The following WFDC1 variants were observed in gnomAD, a reference collection of about 807,000 sequenced individuals.
WFDC1 encodes WAP four-disulfide core domain protein 1.
Under a neutral mutation model 32.9 loss-of-function variants are expected in WFDC1, and 39 were observed. The ratio of observed to expected loss-of-function variants is 1.19; its 90% CI spans 0.92 to 1.55. WFDC1 has a LOEUF of 1.55. Ranked by LOEUF, WFDC1 falls within the 40% of genes most tolerant of loss-of-function variation. WFDC1 has a pLI of 0.00. For synonymous variants in WFDC1, 184 were observed against 137.4 expected (o/e 1.34, Z -2.37); for missense variants, 386 against 309.5 (o/e 1.25, Z -1.85).
At chr16:84,314,943 G>A (rs762631009) in intron 2 of WFDC1, among the ~76,000 whole-genome samples, 4 of 152,196 alleles carry the variant, frequency 2.6e-5, no homozygotes, top group East Asian at 1.9e-4. Context: ...ACATCATCTC[G>A]TTTCACGCTC....
chr16:84,305,136 A>G (rs1907175078), intron 1 of WFDC1, among the ~76,000 whole-genome samples: 1 of 152,216 alleles, frequency 6.6e-6, no homozygotes. Flanking sequence ...CCAGAGGGTG[A>G]TACTGAAGAT....
intron 2 of WFDC1, among the ~76,000 whole-genome samples, chr16:84,314,177 C>T (rs549713875): frequency 2.6e-5 from 4 of 152,236 alleles, no homozygotes; most frequent in African/African-American, 7.2e-5. Flanking sequence ...GCCAACCTCT[C>T]GGGGAGAAAC....
intron 4 of WFDC1, among the ~76,000 whole-genome samples, chr16:84,321,391 C>A (rs1042789071): frequency 6.6e-6 from 1 of 152,186 alleles, no homozygotes; most frequent in African/African-American, 2.4e-5. Flanking sequence ...ACCGCAAGGG[C>A]CTGCCAGCCA....
At chr16:84,318,424 A>T in intron 3 of WFDC1, 69 bp downstream of exon 3, 1 of 1,508,908 alleles carries the variant, frequency 6.6e-7, no homozygotes, top group Non-Finnish European at 9.2e-7. Context: ...GCTTCCAGAA[A>T]GCTGGCAGCA....
intron 1 of WFDC1, among the ~76,000 whole-genome samples, chr16:84,312,142 G>A (rs1184537488): frequency 1.3e-5 from 2 of 152,158 alleles, no homozygotes; most frequent in Non-Finnish European, 2.9e-5. Context: ...TCCAGCCTGG[G>A]CAACAAGAGC....
intron 6 of WFDC1, chr16:84,327,532 A>C (rs979604381): frequency 6.6e-6 from 1 of 152,286 alleles, no homozygotes; most frequent in African/African-American, 2.4e-5. Context: ...GCCTATGGTA[A>C]AATTGTTTTT....
chr16:84,303,594 C>T (rs1475657716), intron 1 of WFDC1, among the ~76,000 whole-genome samples: 2 of 152,082 alleles, frequency 1.3e-5, no homozygotes, highest in Non-Finnish European at 2.9e-5. Flanking sequence ...TAGATTGTTT[C>T]ATGAAGCAGT....
intron 2 of WFDC1, chr16:84,316,045 A>T (rs2113302): frequency 0.14 from 21,950 of 152,280 alleles, 2,068 homozygotes; most frequent in East Asian, 0.43. Flanking sequence ...GAAGCCTTTG[A>T]TCAAGGCAAA....
intron 1 of WFDC1, among the ~76,000 whole-genome samples, chr16:84,303,729 A>G (rs75381857): frequency 0.029 from 4,422 of 152,300 alleles, 212 homozygotes; most frequent in African/African-American, 0.098. Context: ...AGTGGTGTTT[A>G]GTATACTCAG....
intron 4 of WFDC1, among the ~76,000 whole-genome samples, chr16:84,320,065 G>T (rs1265029902): frequency 2.0e-5 from 3 of 152,202 alleles, no homozygotes; most frequent in African/African-American, 7.2e-5. Context: ...TGGTGCAGAA[G>T]CAACATGCAT....
Position 84,294,889 on chromosome 16 carries a change from G to T in WFDC1, c.-83G>T. 1.3e-6 allele frequency: 2 copies of T among 1,534,870 alleles called. No homozygotes were observed. The highest frequency in any genetic ancestry group is 1.3e-5 in the South Asian group (1 of 78,912). ...TAAGAAAGTCCAGCAGACTGTGCAC[G>T]CTCCTGTCCCCACTCACAGGCCCAC... On this transcript the variant is annotated 5_prime_UTR_variant, in exon 1 of 7. Coordinates refer to ENST00000219454, the MANE Select transcript of WFDC1 (RefSeq NM_021197.4).
At chr16:84,307,559 C>T (rs1483042056) in intron 1 of WFDC1, among the ~76,000 whole-genome samples, 58 of 152,140 alleles carry the variant, frequency 3.8e-4, no homozygotes, top group Non-Finnish European at 8.8e-5. Flanking sequence ...GCGTACCCTC[C>T]CATCTGGGAC....
intron 4 of WFDC1, among the ~76,000 whole-genome samples, chr16:84,321,902 A>C (rs1908321820): frequency 6.6e-6 from 1 of 152,130 alleles, no homozygotes; most frequent in Non-Finnish European, 1.5e-5. Flanking sequence ...CAGTTCCTTG[A>C]TCTGTAAAAT....
chr16:84,319,369 C>T, intron 3 of WFDC1, 62 bp from the exon 4 acceptor site: 1 of 1,584,900 alleles, frequency 6.3e-7, no homozygotes, highest in Non-Finnish European at 8.6e-7. Flanking sequence ...CTTCTAGACC[C>T]TAGCATGTGC....
intron 1 of WFDC1, among the ~76,000 whole-genome samples, chr16:84,298,393 C>A (rs1476273530): frequency 2.0e-5 from 3 of 152,136 alleles, no homozygotes; most frequent in Non-Finnish European, 2.9e-5. Flanking sequence ...CCGCACCCAG[C>A]CAGGAAATAC....
At chr16:84,295,311 G>C (rs1001220746) in intron 1 of WFDC1, 196 bp downstream of exon 1, 2 of 610,120 alleles carry the variant, frequency 3.3e-6, no homozygotes, top group African/African-American at 3.7e-5. Flanking sequence ...ACCCTTATCT[G>C]TGAATCAAGA....
intron 6 of WFDC1, 153 bp downstream of exon 6, chr16:84,327,108 C>A (rs551053351): frequency 1.5e-6 from 1 of 689,502 alleles, no homozygotes; most frequent in Non-Finnish European, 2.5e-6. Context: ...AAGTCCTCAC[C>A]TAACGTCATC....
At chr16:84,305,750 C>T (rs552132592) in intron 1 of WFDC1, among the ~76,000 whole-genome samples, 1 of 152,082 alleles carries the variant, frequency 6.6e-6, no homozygotes, top group Non-Finnish European at 1.5e-5. Flanking sequence ...GCTTGTAATC[C>T]CAGCACTTTG....
intron 4 of WFDC1, among the ~76,000 whole-genome samples, chr16:84,323,057 C>A (rs1908398609): frequency 6.6e-6 from 1 of 152,256 alleles, no homozygotes; most frequent in Non-Finnish European, 1.5e-5. Context: ...CAGAATTCAC[C>A]CCCAGGTAAA....
Sources: allele counts gnomAD v4.1 joint callset (sites outside exome capture counted in the v4.1 genomes callset), GRCh38; gene constraint gnomAD v4.1.1; transcripts MANE v1.5; gene names NCBI Gene and HGNC (gene_info 2026-07-23, HGNC 2026-07-21).